LRIG2: variants seen among roughly 807,000 people sequenced by gnomAD.
The protein encoded by LRIG2 is leucine-rich repeats and immunoglobulin-like domains protein 2.
A neutral mutation model predicts 107.8 loss-of-function variants in LRIG2; 93 were observed. The ratio of observed to expected loss-of-function variants is 0.86; its 90% confidence interval spans 0.73 to 1.03. The LOEUF is 1.03. LRIG2 is among the 50% of genes least tolerant of loss of function. The pLI, the probability that LRIG2 is intolerant of heterozygous loss-of-function variation, is 0.00. For synonymous variants in LRIG2, 471 were observed against 470.6 expected (o/e 1.00, Z -0.01); for missense variants, 1,226 against 1,296.0 (o/e 0.95, Z 0.83).
chr1:113,084,406 G>A (rs924469429), intron 1 of LRIG2, among the ~76,000 whole-genome samples: 3 of 151,634 alleles, frequency 2.0e-5, no homozygotes, highest in South Asian at 2.1e-4. Flanking sequence ...TAGTAGAGAC[G>A]GGGTTTCACC....
At chr1:113,112,871 C>A in intron 14 of LRIG2, 111 bp downstream of exon 14, 2 of 1,052,812 alleles carry the variant, frequency 1.9e-6, no homozygotes, top group Non-Finnish European at 2.7e-6. Context: ...ATTCTTAGAT[C>A]TTTATCTTAT....
At chr1:113,089,997 T>G (rs1653732051) in intron 1 of LRIG2, among the ~76,000 whole-genome samples, 1 of 151,582 alleles carries the variant, frequency 6.6e-6, no homozygotes, top group Non-Finnish European at 1.5e-5. Context: ...GCCTGGCCTT[T>G]TTTTTTTTTA....
At chr1:113,106,693 T>G (rs766864769) in intron 11 of LRIG2, among the ~76,000 whole-genome samples, 2 of 151,934 alleles carry the variant, frequency 1.3e-5, no homozygotes, top group Admixed American at 1.3e-4. Flanking sequence ...TTAGTAGAGA[T>G]AGGGTTTCGC....
At chr1:113,117,691 C>G (rs902181588) in intron 16 of LRIG2, among the ~76,000 whole-genome samples, 8 of 152,078 alleles carry the variant, frequency 5.3e-5, no homozygotes, top group Non-Finnish European at 1.0e-4. Flanking sequence ...CCATGTTGGT[C>G]AGGCTGGTCT....
Position 113,110,272 on chromosome 1 carries a change from A to T in LRIG2, c.1508A>T (p.His503Leu). Residue 503 changes from histidine (H) to leucine (L), a missense_variant, in exon 13 of 18, where the codon CAT becomes CTT. Coordinates refer to ENST00000361127, the MANE Select transcript of LRIG2 (RefSeq NM_014813.3). ...DDFLKPQIRT[H>L]PETIIALRGM... ...TTTCTCAAGCCACAGATAAGGACAC[A>T]TCCTGAAACCATAATTGCTCTAAGA... 6.2e-7 allele frequency: 1 copy of T among 1,612,360 alleles called. No homozygotes were observed. Among genetic ancestry groups the T allele is most frequent in the South Asian group, 1.1e-5 (1 of 90,930 alleles).
chr1:113,111,726 T>TTTATG (rs1482287698), intron 13 of LRIG2, among the ~76,000 whole-genome samples: 1 of 152,180 alleles, frequency 6.6e-6, no homozygotes, highest in Non-Finnish European at 1.5e-5. Context: ...TGTACTTATG[T>TTTATG]TTTGCTTCTG....
chr1:113,118,955 C>T (rs1196198179), intron 16 of LRIG2, among the ~76,000 whole-genome samples: 1 of 152,174 alleles, frequency 6.6e-6, no homozygotes, highest in African/African-American at 2.4e-5. Context: ...TGAGCCACCG[C>T]ACCCGGTAGC....
In LRIG2 at chr1:113,129,941, A is replaced by T; in HGVS notation, c.*5840A>T. The stretch of plus-strand genomic sequence containing the variant: ...GGTTTCACCCTGTCAGCCAGGCTGG[A>T]GTGCAATGGTGTGAACGTGGCTCAC... On this transcript the variant is annotated 3_prime_UTR_variant, in exon 18 of 18. Transcript: ENST00000361127. The T allele has an allele frequency of 6.6e-6, 1 of 151,978 alleles. No individual in the cohort carries two copies. The highest frequency in any genetic ancestry group is 1.5e-5 in the Non-Finnish European group (1 of 68,030). The allele number at this position is 151,978 out of a possible 1,614,324, so 9.4% of individuals were successfully genotyped here.
At chr1:113,102,277 T>A (rs1465679408) in intron 11 of LRIG2, among the ~76,000 whole-genome samples, 1 of 151,734 alleles carries the variant, frequency 6.6e-6, no homozygotes, top group Non-Finnish European at 1.5e-5. Flanking sequence ...TTTTTTAATT[T>A]ATTTTTTTTT....
At chr1:113,097,125 G>A (rs1654101501) in intron 8 of LRIG2, among the ~76,000 whole-genome samples, 1 of 151,624 alleles carries the variant, frequency 6.6e-6, no homozygotes. Context: ...CTGTGGTTCT[G>A]TAAGTTATTC....
chr1:113,082,400 C>T (rs1653328626), intron 1 of LRIG2, among the ~76,000 whole-genome samples: 1 of 152,162 alleles, frequency 6.6e-6, no homozygotes, highest in African/African-American at 2.4e-5. Flanking sequence ...GTCTCTTGCA[C>T]TGCTATATAC....
At chr1:113,099,592 GA>G (rs1654223136) in intron 9 of LRIG2, among the ~76,000 whole-genome samples, 1 of 151,928 alleles carries the variant, frequency 6.6e-6, no homozygotes, top group African/African-American at 2.4e-5. Flanking sequence ...ACTTTTTATT[GA>G]AAAAGCATTC....
Position 113,073,204 on chromosome 1 carries a change from G to A in LRIG2, c.-203G>A, listed in dbSNP as rs1417485262. 3.3e-5 allele frequency: 19 copies of A among 583,680 alleles called. No homozygotes were observed. The highest frequency in any genetic ancestry group is 5.8e-5 in the Non-Finnish European group (19 of 326,700). The allele number at this position is 583,680 out of a possible 1,614,324, so 36.2% of individuals were successfully genotyped here. Reference sequence around the variant, plus strand: ...TTGCGCCGTGGGGAGGGGCGGACGAGAGGTGTCCGTCAGGCCGTGTGTCCC... The same window carrying A: ...TTGCGCCGTGGGGAGGGGCGGACGAAAGGTGTCCGTCAGGCCGTGTGTCCC... On this transcript the variant is annotated 5_prime_UTR_variant, in exon 1 of 18. Transcript: ENST00000361127.
At chr1:113,099,436 C>T (rs1202013489) in intron 9 of LRIG2, among the ~76,000 whole-genome samples, 11 of 151,222 alleles carry the variant, frequency 7.3e-5, no homozygotes, top group Admixed American at 7.3e-4. Context: ...GACAGAGTCT[C>T]ACTATATTGC....
chr1:113,085,691 G>T (rs952385685), intron 1 of LRIG2, among the ~76,000 whole-genome samples: 1 of 152,158 alleles, frequency 6.6e-6, no homozygotes, highest in Non-Finnish European at 1.5e-5. Context: ...AAAAGACTCA[G>T]ATCTCATTTA....
chr1:113,116,056 T>G (rs1654993990), intron 15 of LRIG2, among the ~76,000 whole-genome samples: 1 of 152,202 alleles, frequency 6.6e-6, no homozygotes. Flanking sequence ...TGGCAGTAGA[T>G]AAGATTTCAA....
intron 8 of LRIG2, among the ~76,000 whole-genome samples, chr1:113,097,453 G>A (rs928345614): frequency 3.9e-5 from 6 of 152,112 alleles, no homozygotes; most frequent in Admixed American, 6.6e-5. Context: ...TACATGCACA[G>A]GTGTGTATTT....
intron 1 of LRIG2, among the ~76,000 whole-genome samples, chr1:113,078,125 C>T (rs1224753210): frequency 6.6e-6 from 1 of 152,008 alleles, no homozygotes; most frequent in Non-Finnish European, 1.5e-5. Context: ...TTTCTTAATC[C>T]AGTCTATCAT....
At chr1:113,096,171 A>G (rs1654056828) in intron 7 of LRIG2, 51 bp from the exon 8 acceptor site, 3 of 1,596,264 alleles carry the variant, frequency 1.9e-6, no homozygotes, top group Non-Finnish European at 1.7e-6. Context: ...AAGAATTGTA[A>G]GTTGAACCAA....
Sources: allele counts gnomAD v4.1 joint callset (sites outside exome capture counted in the v4.1 genomes callset), GRCh38; gene constraint gnomAD v4.1.1; transcripts MANE v1.5; gene names NCBI Gene and HGNC (gene_info 2026-07-23, HGNC 2026-07-21).